The following VPS26A variants were observed in gnomAD, a reference collection of about 807,000 sequenced individuals.
VPS26A encodes the protein VPS26 retromer complex component A.
A neutral mutation model predicts 42.4 loss-of-function variants in VPS26A; 22 were observed. That is an observed-to-expected ratio of 0.52 (90% CI 0.37 to 0.74). The LOEUF is 0.74. VPS26A is among the 30% of genes least tolerant of loss of function. The pLI is 0.00. For missense variants in VPS26A, 276 were observed against 379.2 expected (o/e 0.73, Z 2.26); for synonymous variants, 110 against 123.5 (o/e 0.89, Z 0.73).
intron 2 of VPS26A, among the ~76,000 whole-genome samples, chr10:69,134,794 A>G (rs941637156): frequency 6.6e-6 from 1 of 152,100 alleles, no homozygotes; most frequent in African/African-American, 2.4e-5. Context: ...TCCTTTTAAA[A>G]GATGAAAAAA....
Position 69,151,280 on chromosome 10 carries a change from A to AC in VPS26A, c.154-4532_154-4531insC, listed in dbSNP as rs1564680928. ...ACTCCATGTCAAAAAAAAAAAAAAA[A>AC]AAACACACACACACACACAATTAGC... On this transcript the variant is annotated intron_variant, in intron 2 of 8. Transcript: ENST00000263559. Among the ~76,000 whole-genome samples, 51 of 135,304 alleles carry AC rather than the reference A, an allele frequency of 3.8e-4. 1 individual carries two copies. The South Asian group carries it at 5.7e-3, about 15-fold the overall frequency. The allele number at this position is 135,304 out of a possible 152,430, so 88.8% of individuals were successfully genotyped here.
chr10:69,158,350 A>T lies in VPS26A; in HGVS notation c.551+139A>T, dbSNP rs534823575. Reference sequence around the variant, plus strand: ...TCAACAGGATCTCTGAGCTAAAAGAAATTTTAGGAGTTTGGTCTGGTTTCC... The same window carrying T: ...TCAACAGGATCTCTGAGCTAAAAGATATTTTAGGAGTTTGGTCTGGTTTCC... On this transcript the variant is annotated intron_variant, in intron 5 of 8. Coordinates refer to ENST00000263559, the MANE Select transcript of VPS26A (RefSeq NM_004896.5). 8.1e-6 allele frequency: 6 copies of T among 739,652 alleles called. No individual in the cohort carries two copies. The East Asian group carries it at 2.0e-4, about 24-fold the overall frequency. The allele number at this position is 739,652 out of a possible 1,614,324, so 45.8% of individuals were successfully genotyped here.
chr10:69,145,191 C>T (rs1041759962), intron 2 of VPS26A, among the ~76,000 whole-genome samples: 2 of 100,158 alleles, frequency 2.0e-5, no homozygotes, highest in African/African-American at 5.4e-5. Flanking sequence ...CCCACGACCA[C>T]ACCTGACTAA....
At chr10:69,169,968 C>G (rs1841781584) in intron 8 of VPS26A, 6 of 152,280 alleles carry the variant, frequency 3.9e-5, no homozygotes, top group Admixed American at 2.6e-4. Flanking sequence ...ATTTGAAAAT[C>G]AATTAAAAGC....
chr10:69,154,486 A>G (rs578205824), intron 2 of VPS26A, among the ~76,000 whole-genome samples: 2 of 152,198 alleles, frequency 1.3e-5, no homozygotes, highest in South Asian at 4.2e-4. Flanking sequence ...AAGTGAGCCA[A>G]GATCTTGCCA....
intron 5 of VPS26A, among the ~76,000 whole-genome samples, chr10:69,160,721 G>A (rs183058344): frequency 9.5e-4 from 145 of 152,306 alleles, no homozygotes; most frequent in African/African-American, 3.3e-3. Flanking sequence ...CAAAGTGCTG[G>A]GATTACAGGC....
At chr10:69,152,948 C>T (rs1309901496) in intron 2 of VPS26A, among the ~76,000 whole-genome samples, 4 of 142,894 alleles carry the variant, frequency 2.8e-5, no homozygotes, top group Admixed American at 7.1e-5. Flanking sequence ...CCAGCCTGGG[C>T]GACAGAGCGA....
chr10:69,156,555 T>C (rs937720911), intron 3 of VPS26A, among the ~76,000 whole-genome samples: 1 of 152,198 alleles, frequency 6.6e-6, no homozygotes, highest in Non-Finnish European at 1.5e-5. Flanking sequence ...ATATATCTGT[T>C]CTGACTGAGA....
At chr10:69,128,861 T>G (rs1316570289) in intron 1 of VPS26A, among the ~76,000 whole-genome samples, 1 of 151,862 alleles carries the variant, frequency 6.6e-6, no homozygotes, top group Non-Finnish European at 1.5e-5. Context: ...CCAGGTGTTG[T>G]GGCTCACGCC....
intron 6 of VPS26A, among the ~76,000 whole-genome samples, chr10:69,162,898 C>T (rs960918374): frequency 6.6e-6 from 1 of 152,120 alleles, no homozygotes; most frequent in Non-Finnish European, 1.5e-5. Flanking sequence ...TGAATAGCCA[C>T]TGCACTTCAG....
At chr10:69,141,197 A>G (rs975646896) in intron 2 of VPS26A, among the ~76,000 whole-genome samples, 3 of 152,212 alleles carry the variant, frequency 2.0e-5, no homozygotes, top group Non-Finnish European at 4.4e-5. Flanking sequence ...TCAAAAGTGG[A>G]TATCATTTAT....
At chr10:69,127,966 A>AG (rs1840699217) in intron 1 of VPS26A, among the ~76,000 whole-genome samples, 1 of 151,832 alleles carries the variant, frequency 6.6e-6, no homozygotes, top group Non-Finnish European at 1.5e-5. Flanking sequence ...CCAAAGTGCT[A>AG]GGATTACAGG....
chr10:69,174,200 C>T lies in VPS26A; in HGVS notation c.*2931C>T, dbSNP rs1209109217. Among the ~76,000 whole-genome samples, 2 of 115,216 alleles carry T rather than the reference C, an allele frequency of 1.7e-5. No individual in the cohort carries two copies. Among genetic ancestry groups the T allele is most frequent in the African/African-American group, 2.8e-5 (1 of 35,748 alleles). The allele number at this position is 115,216 out of a possible 152,430, so 75.6% of individuals were successfully genotyped here. A position where few individuals can be genotyped will look rare whatever the true frequency, so the allele number is the denominator to read the frequency against. ...CATTTAAGAGCTGTAACACTCAAGGCGAAGGTCCACGGCTCCGTTAAGTCA... is the reference window on the plus strand; with the variant it reads ...CATTTAAGAGCTGTAACACTCAAGGTGAAGGTCCACGGCTCCGTTAAGTCA... On this transcript the variant is annotated 3_prime_UTR_variant, in exon 9 of 9. Transcript: ENST00000263559.
rs1841861334 is a variant in VPS26A at position 69,173,441 on chromosome 10, A to G, written c.*2172A>G. On this transcript the variant is annotated 3_prime_UTR_variant, in exon 9 of 9. Coordinates refer to ENST00000263559, the MANE Select transcript of VPS26A (RefSeq NM_004896.5). ...TTCGAGACCAGCCTGGCCAACAAAA[A>G]TGAGACCCTATCTCTACAAAAAAAT... Among the ~76,000 whole-genome samples the G allele has an allele frequency of 6.6e-6, 1 of 152,100 alleles. No homozygotes were observed. The highest frequency in any genetic ancestry group is 2.4e-5 in the African/African-American group (1 of 41,412).
chr10:69,149,727 G>GTT lies in VPS26A; in HGVS notation c.154-6080_154-6079dup, dbSNP rs151136046. On this transcript the variant is annotated intron_variant, in intron 2 of 8. Coordinates refer to ENST00000263559, the MANE Select transcript of VPS26A (RefSeq NM_004896.5). ...ACCATGGAATGTTAACTTTCTTGGT[G>GTT]TTTTTTGTTTTTTTTTTTTTTTTTT... 4.1e-3 allele frequency among the ~76,000 whole-genome samples: 387 copies of GTT among 93,926 alleles called. 17 individuals are homozygous for GTT. Among genetic ancestry groups the GTT allele is most frequent in the African/African-American group, 0.01 (207 of 20,564 alleles). 61.6% of individuals were successfully genotyped at this position (93,926 alleles called of 152,430 possible). A position where few individuals can be genotyped will look rare whatever the true frequency, so the allele number is the denominator to read the frequency against.
chr10:69,129,319 G>A (rs1406164943), intron 1 of VPS26A, among the ~76,000 whole-genome samples: 1 of 152,122 alleles, frequency 6.6e-6, no homozygotes, highest in Non-Finnish European at 1.5e-5. Flanking sequence ...GTAGCCCTTA[G>A]AGGAAATGTA....
At chr10:69,131,015 T>C (rs192909134) in intron 1 of VPS26A, among the ~76,000 whole-genome samples, 86 of 152,318 alleles carry the variant, frequency 5.6e-4, no homozygotes, top group African/African-American at 1.9e-3. Context: ...AGACAAATTC[T>C]TGCTCTGTTG....
intron 1 of VPS26A, among the ~76,000 whole-genome samples, chr10:69,130,482 G>C (rs770370781): frequency 6.6e-6 from 1 of 152,244 alleles, no homozygotes; most frequent in Non-Finnish European, 1.5e-5. Context: ...TAGTTGGAGA[G>C]ATGACTAGTG....
chr10:69,126,507 C>T (rs1840657048), intron 1 of VPS26A, among the ~76,000 whole-genome samples: 1 of 148,238 alleles, frequency 6.7e-6, no homozygotes, highest in Admixed American at 6.8e-5. Context: ...GCAGAGGTTG[C>T]AGTGAGCCGA....
Sources: allele counts gnomAD v4.1 joint callset (sites outside exome capture counted in the v4.1 genomes callset), GRCh38; gene constraint gnomAD v4.1.1; transcripts MANE v1.5; gene names NCBI Gene and HGNC (gene_info 2026-07-23, HGNC 2026-07-21).